KIAA1549: variants seen among roughly 807,000 people sequenced by gnomAD.
The protein encoded by KIAA1549 is UPF0606 protein KIAA1549.
Under a neutral mutation model 156.4 loss-of-function variants are expected in KIAA1549, and 70 were observed. The ratio of observed to expected loss-of-function variants is 0.45; its 90% CI spans 0.37 to 0.55. The LOEUF (loss-of-function observed/expected upper bound fraction) is 0.55, where lower values mean the gene tolerates loss of function less well. KIAA1549 is among the 20% of genes least tolerant of loss of function. The pLI, the probability that KIAA1549 is intolerant of heterozygous loss-of-function variation, is 0.00. For missense variants in KIAA1549, 2,428 were observed against 2,540.9 expected (o/e 0.96, Z 0.96); for synonymous variants, 1,103 against 1,066.4 (o/e 1.03, Z -0.67).
At chr7:138,976,894 G>C (rs1814396525) in intron 1 of KIAA1549, among the ~76,000 whole-genome samples, 1 of 152,204 alleles carries the variant, frequency 6.6e-6, no homozygotes, top group Non-Finnish European at 1.5e-5. Flanking sequence ...GTGAGTCGTA[G>C]ACATCTAAAT....
At chr7:138,843,084 C>T (rs1809969513) in intron 18 of KIAA1549, among the ~76,000 whole-genome samples, 1 of 152,148 alleles carries the variant, frequency 6.6e-6, no homozygotes, top group African/African-American at 2.4e-5. Context: ...ATAATAGTGA[C>T]AATGGTCATG....
chr7:138,903,338 C>G (rs1811896344), intron 8 of KIAA1549, among the ~76,000 whole-genome samples: 1 of 152,194 alleles, frequency 6.6e-6, no homozygotes, highest in Non-Finnish European at 1.5e-5. Context: ...CAATTCTGCT[C>G]TGCTCTGCAA....
At chr7:138,949,535 G>T (rs759624821) in intron 1 of KIAA1549, among the ~76,000 whole-genome samples, 1 of 151,860 alleles carries the variant, frequency 6.6e-6, no homozygotes, top group Non-Finnish European at 1.5e-5. Context: ...GCTGTCTCTC[G>T]GCATACAGCT....
intron 1 of KIAA1549, among the ~76,000 whole-genome samples, chr7:138,924,995 C>T (rs1251565932): frequency 6.6e-6 from 1 of 152,194 alleles, no homozygotes; most frequent in Non-Finnish European, 1.5e-5. Flanking sequence ...GGGCCTGCCA[C>T]CCACTCCAAG....
chr7:138,934,357 T>C (rs1056516301), intron 1 of KIAA1549, among the ~76,000 whole-genome samples: 4 of 151,270 alleles, frequency 2.6e-5, no homozygotes, highest in Admixed American at 1.3e-4. Context: ...CTTGTGAGAA[T>C]TGGTGGGAAT....
chr7:138,938,263 A>C (rs1813076765), intron 1 of KIAA1549, among the ~76,000 whole-genome samples: 1 of 152,166 alleles, frequency 6.6e-6, no homozygotes, highest in South Asian at 2.1e-4. Flanking sequence ...ATAATTTTCT[A>C]TTGTCTATAA....
chr7:138,922,314 C>G (rs1285347550), intron 1 of KIAA1549, among the ~76,000 whole-genome samples: 4 of 152,192 alleles, frequency 2.6e-5, no homozygotes, highest in African/African-American at 9.7e-5. Flanking sequence ...AACATATTCA[C>G]AGTCTGGTTT....
intron 5 of KIAA1549, among the ~76,000 whole-genome samples, chr7:138,907,675 C>T (rs1812045524): frequency 1.3e-5 from 2 of 152,168 alleles, no homozygotes; most frequent in Non-Finnish European, 1.5e-5. Flanking sequence ...CCTCCTCCGT[C>T]CTTCCTAACT....
At chr7:138,960,248 C>A (rs1813797528) in intron 1 of KIAA1549, among the ~76,000 whole-genome samples, 3 of 151,702 alleles carry the variant, frequency 2.0e-5, no homozygotes, top group Non-Finnish European at 4.4e-5. Flanking sequence ...CCAGCCTGGG[C>A]AACATAGTGA....
In KIAA1549 at chr7:138,833,089, G is replaced by C. The variant is rs1809587279; in HGVS notation, c.*4817C>G. 1 of 232,142 alleles carries C rather than the reference G, an allele frequency of 4.3e-6. No homozygotes were observed. The allele number at this position is 232,142 out of a possible 1,614,324, so 14.4% of individuals were successfully genotyped here. A position where few individuals can be genotyped will look rare whatever the true frequency, so the allele number is the denominator to read the frequency against. On this transcript the variant is annotated 3_prime_UTR_variant, in exon 20 of 20. Transcript: ENST00000422774. ...GTGGACTTCCTCCTGCTCCTGTCCA[G>C]GGCAAATGTGGATAAGCAGGCTCTA...
At chr7:138,884,673 T>TA (rs1811341141) in intron 10 of KIAA1549, among the ~76,000 whole-genome samples, 1 of 152,242 alleles carries the variant, frequency 6.6e-6, no homozygotes, top group Non-Finnish European at 1.5e-5. Context: ...CTGACTCTGG[T>TA]ATAGCATCAC....
chr7:138,955,957 G>C (rs113329157), intron 1 of KIAA1549, among the ~76,000 whole-genome samples: 1 of 152,026 alleles, frequency 6.6e-6, no homozygotes, highest in Non-Finnish European at 1.5e-5. Flanking sequence ...GCAGTGGTGC[G>C]ATCTTGGCTC....
chr7:138,871,075 C>G (rs1040861358), intron 13 of KIAA1549, 82 bp downstream of exon 13: 88 of 1,370,288 alleles, frequency 6.4e-5, no homozygotes, highest in African/African-American at 4.0e-4. Flanking sequence ...CCTTGGCCCC[C>G]CCAAGTGCTG....
At chr7:138,939,604 T>C (rs1323979537) in intron 1 of KIAA1549, among the ~76,000 whole-genome samples, 1 of 152,186 alleles carries the variant, frequency 6.6e-6, no homozygotes, top group Non-Finnish European at 1.5e-5. Context: ...AGAATCAATG[T>C]TTTTGGCAAG....
At chr7:138,963,002 G>A (rs560457744) in intron 1 of KIAA1549, among the ~76,000 whole-genome samples, 2 of 152,202 alleles carry the variant, frequency 1.3e-5, no homozygotes, top group Non-Finnish European at 2.9e-5. Context: ...CTTACGTACA[G>A]AACAACTTCC....
At position 138,972,700 on chromosome 7, in the gene KIAA1549, T is replaced by C. The variant is rs564411664; in HGVS notation, c.187+8383A>G. Among the ~76,000 whole-genome samples, 14 of 152,236 alleles carry C rather than the reference T, an allele frequency of 9.2e-5. No homozygotes were observed. The South Asian group carries it at 2.7e-3, about 29-fold the overall frequency. ...GTCCCTCCGATTCCTTCTCCCAACA[T>C]TACTTCTTCCTAACTCTTCTTAGGG... On this transcript the variant is annotated intron_variant, in intron 1 of 19. Transcript: ENST00000422774.
At chr7:138,969,864 C>G (rs1253545354) in intron 1 of KIAA1549, among the ~76,000 whole-genome samples, 1 of 152,130 alleles carries the variant, frequency 6.6e-6, no homozygotes, top group African/African-American at 2.4e-5. Context: ...AAGGGCCGGC[C>G]ACTGTGCCCA....
intron 10 of KIAA1549, among the ~76,000 whole-genome samples, chr7:138,890,157 C>T (rs544792296): frequency 6.6e-6 from 1 of 152,292 alleles, no homozygotes; most frequent in Non-Finnish European, 1.5e-5. Flanking sequence ...GAATACGTCA[C>T]CAACAAGCCC....
chr7:138,898,400 CAAT>C (rs544521454), intron 9 of KIAA1549, among the ~76,000 whole-genome samples: 31 of 151,132 alleles, frequency 2.1e-4, no homozygotes, highest in Middle Eastern at 3.5e-3. Context: ...AACCTTCCAA[CAAT>C]AATAAAGAAA....
Sources: allele counts gnomAD v4.1 joint callset (sites outside exome capture counted in the v4.1 genomes callset), GRCh38; gene constraint gnomAD v4.1.1; transcripts MANE v1.5; gene names NCBI Gene and HGNC (gene_info 2026-07-23, HGNC 2026-07-21).